The following MME variants were observed in gnomAD, a reference collection of about 807,000 sequenced individuals.
The protein encoded by MME is membrane metalloendopeptidase.
In MME, 98 loss-of-function variants were observed where a neutral mutation model predicts 113.2. That is an observed-to-expected ratio of 0.87 (90% confidence interval 0.74 to 1.02). The LOEUF is 1.02. Among genes scored for constraint, MME ranks in the 50% least tolerant of loss-of-function variants. The pLI, the probability that MME is intolerant of heterozygous loss-of-function variation, is 0.00. For synonymous variants in MME, 292 were observed against 300.6 expected, an observed-to-expected ratio of 0.97 and a Z score of 0.30; for missense variants, 836 against 896.0, an observed-to-expected ratio of 0.93 and a Z score of 0.86.
In MME at chr3:155,174,325, CGTGTGTGTGTGTGTGTGTGTGTGTGT is replaced by C. The variant is rs3839085; in HGVS notation, c.2153+1743_2153+1768del. Among the ~76,000 whole-genome samples, 11 of 110,328 alleles carry C rather than the reference CGTGTGTGTGTGTGTGTGTGTGTGTGT, an allele frequency of 1.0e-4. No homozygotes were observed. In the South Asian group the frequency reaches 1.4e-3, roughly 14 times the overall value. The allele number at this position is 110,328 out of a possible 152,430, so 72.4% of individuals were successfully genotyped here. On this transcript the variant is annotated intron_variant, in intron 22 of 22. Coordinates refer to ENST00000360490, the MANE Select transcript of MME (RefSeq NM_007289.4). ...TATTTTTCATTCATAACAACAGAAG[CGTGTGTGTGTGTGTGTGTGTGTGTGT>C]GTGTGTGTGTGTGTGTGTGTGTGTG...
chr3:155,151,638 G>T (rs948176746), intron 16 of MME, among the ~76,000 whole-genome samples: 5 of 151,980 alleles, frequency 3.3e-5, no homozygotes, highest in Non-Finnish European at 5.9e-5. Context: ...AATAATATCT[G>T]CCCATTTTCT....
chr3:155,108,553 G>A (rs1031352967), intron 3 of MME, among the ~76,000 whole-genome samples: 2 of 150,812 alleles, frequency 1.3e-5, no homozygotes, highest in Admixed American at 1.3e-4. Flanking sequence ...CAGATATCGC[G>A]CCATTGCACT....
chr3:155,142,866 C>T (rs1721222820), intron 12 of MME, among the ~76,000 whole-genome samples: 1 of 152,104 alleles, frequency 6.6e-6, no homozygotes, highest in African/African-American at 2.4e-5. Flanking sequence ...CTCCAGCAAA[C>T]ATGTTAGTTG....
chr3:155,125,607 C>G (rs930186659), intron 8 of MME, among the ~76,000 whole-genome samples: 14 of 151,416 alleles, frequency 9.2e-5, no homozygotes, highest in Non-Finnish European at 1.9e-4. Context: ...ATTACAGGTG[C>G]CCGCCACCGC....
chr3:155,153,686 G>A (rs1163442066), intron 16 of MME, among the ~76,000 whole-genome samples: 1 of 152,080 alleles, frequency 6.6e-6, no homozygotes, highest in East Asian at 1.9e-4. Flanking sequence ...TAACTGTTGA[G>A]CCCTGGAGTT....
intron 1 of MME, among the ~76,000 whole-genome samples, chr3:155,032,571 T>C (rs918540035): frequency 1.3e-5 from 2 of 152,168 alleles, no homozygotes; most frequent in African/African-American, 2.4e-5. Flanking sequence ...TCAGGGAGAT[T>C]TGAAATCTGA....
chr3:155,144,016 T>C (rs1022852413), intron 13 of MME, among the ~76,000 whole-genome samples: 3 of 152,208 alleles, frequency 2.0e-5, no homozygotes, highest in Non-Finnish European at 4.4e-5. Flanking sequence ...AAAGAATTTA[T>C]TGAAATGCTA....
In MME at chr3:155,123,723, C is replaced by G. The variant is rs1410564589; in HGVS notation, c.720+4912C>G. Among the ~76,000 whole-genome samples, 2 of 52,686 alleles carry G rather than the reference C, an allele frequency of 3.8e-5. 1 individual carries two copies. The highest frequency in any genetic ancestry group is 1.4e-4 in the African/African-American group (2 of 14,584). The allele number at this position is 52,686 out of a possible 152,430, so 34.6% of individuals were successfully genotyped here. On this transcript the variant is annotated intron_variant, in intron 8 of 22. Transcript: ENST00000360490. ...GAAATTCTGGGTTGAAAATTCTTTT[C>G]TTTAAGAATGTTGAATACTGGCCCC... is the stretch of plus-strand genomic sequence containing the variant.
intron 17 of MME, among the ~76,000 whole-genome samples, chr3:155,162,526 G>A (rs1722792703): frequency 6.6e-6 from 1 of 151,970 alleles, no homozygotes; most frequent in African/African-American, 2.4e-5. Context: ...CTTAAAATAA[G>A]GATCCAATGG....
intron 3 of MME, among the ~76,000 whole-genome samples, chr3:155,107,195 A>G (rs776939867): frequency 6.6e-6 from 1 of 152,116 alleles, no homozygotes; most frequent in Non-Finnish European, 1.5e-5. Flanking sequence ...CTCTACTAAA[A>G]TACAAAAATT....
intron 3 of MME, among the ~76,000 whole-genome samples, chr3:155,108,127 T>A (rs1432243140): frequency 6.6e-6 from 1 of 152,188 alleles, no homozygotes; most frequent in Non-Finnish European, 1.5e-5. Flanking sequence ...GAACCTAACC[T>A]TGTATTTCCC....
chr3:155,064,052 A>G (rs1714302168), intron 1 of MME, among the ~76,000 whole-genome samples: 1 of 152,090 alleles, frequency 6.6e-6, no homozygotes, highest in Admixed American at 6.6e-5. Context: ...GCACTTTGGG[A>G]GGCCGAGGTG....
chr3:155,145,102 A>G (rs562410014), intron 14 of MME, among the ~76,000 whole-genome samples: 6 of 152,292 alleles, frequency 3.9e-5, no homozygotes, highest in African/African-American at 1.4e-4. Context: ...TGGAAGGACT[A>G]TCTTTTTTCA....
At chr3:155,049,739 G>T (rs1713694966) in intron 1 of MME, among the ~76,000 whole-genome samples, 1 of 152,056 alleles carries the variant, frequency 6.6e-6, no homozygotes, top group South Asian at 2.1e-4. Context: ...TGTGATCTCA[G>T]AAGGAAATGA....
chr3:155,068,556 AT>A (rs1201821403), intron 1 of MME, among the ~76,000 whole-genome samples: 2 of 152,148 alleles, frequency 1.3e-5, no homozygotes, highest in Non-Finnish European at 2.9e-5. Flanking sequence ...TATCAGCTAC[AT>A]TTTTTTGTTT....
intron 8 of MME, among the ~76,000 whole-genome samples, chr3:155,131,029 T>A (rs1720105667): frequency 6.6e-6 from 1 of 152,058 alleles, no homozygotes; most frequent in Non-Finnish European, 1.5e-5. Flanking sequence ...AGACAAATTG[T>A]GAGTGTTATA....
At chr3:155,052,057 T>G (rs1302490281) in intron 1 of MME, among the ~76,000 whole-genome samples, 2 of 152,216 alleles carry the variant, frequency 1.3e-5, no homozygotes, top group Non-Finnish European at 2.9e-5. Flanking sequence ...TTATTAAAAC[T>G]TAATGCTCCA....
chr3:155,128,761 A>G (rs1367229854), intron 8 of MME, among the ~76,000 whole-genome samples: 1 of 152,098 alleles, frequency 6.6e-6, no homozygotes, highest in Non-Finnish European at 1.5e-5. Context: ...AATACCTACC[A>G]AAGTTTCTGG....
intron 1 of MME, chr3:155,080,847 T>C (rs952720124): frequency 3.3e-5 from 5 of 152,262 alleles, no homozygotes; most frequent in Non-Finnish European, 5.9e-5. Flanking sequence ...TGGAAAGTGC[T>C]TGTCGGCAAA....
Sources: gnomAD v4.1 joint callset for allele counts (sites outside exome capture counted in the v4.1 genomes callset) on GRCh38, gnomAD v4.1.1 for gene constraint, MANE v1.5 for transcripts, NCBI Gene and HGNC (gene_info 2026-07-23, HGNC 2026-07-21) for gene names.